CREB1: variants seen among roughly 807,000 people sequenced by gnomAD.
CREB1 encodes the protein cAMP responsive element binding protein 1.
CREB1 carries 2 observed loss-of-function variants against 42.0 expected under a neutral mutation model. That is an observed-to-expected ratio of 0.05 (90% CI 0.02 to 0.15). CREB1 has a LOEUF of 0.15. Ranked by LOEUF, CREB1 falls within the 10% of genes least tolerant of loss-of-function variation. CREB1 has a pLI of 1.00. For synonymous variants in CREB1, 123 were observed against 139.9 expected (o/e 0.88, Z 0.85); for missense variants, 199 against 388.9 (o/e 0.51, Z 4.11).
intron 1 of CREB1, among the ~76,000 whole-genome samples, chr2:207,544,647 A>C (rs2081230284): frequency 6.6e-6 from 1 of 152,128 alleles, no homozygotes; most frequent in South Asian, 2.1e-4. Flanking sequence ...TGCTGCACAC[A>C]TCATCCCATC....
chr2:207,582,270 C>T (rs2083065643), intron 7 of CREB1: 1 of 650,798 alleles, frequency 1.5e-6, no homozygotes, highest in Admixed American at 2.4e-5. Context: ...ATTCTTTTCT[C>T]TTTAAAGTTT....
chr2:207,575,617 T>C (rs1336915813), intron 6 of CREB1, among the ~76,000 whole-genome samples, 163 bp downstream of exon 6: 2 of 152,200 alleles, frequency 1.3e-5, no homozygotes. Flanking sequence ...ATTATTCCAA[T>C]TGGACCAAAA....
At chr2:207,576,511 C>A in intron 6 of CREB1, 1 of 277,692 alleles carries the variant, frequency 3.6e-6, no homozygotes. Flanking sequence ...TGGAGAGAGT[C>A]ATAACTTATT....
intron 3 of CREB1, among the ~76,000 whole-genome samples, chr2:207,563,180 G>A (rs1326654862): frequency 6.6e-6 from 1 of 152,170 alleles, no homozygotes; most frequent in Non-Finnish European, 1.5e-5. Flanking sequence ...GTTTGGAAGT[G>A]AGGGTATACT....
chr2:207,576,241 CTTT>C (rs35735523), intron 6 of CREB1, among the ~76,000 whole-genome samples: 10 of 101,070 alleles, frequency 9.9e-5, no homozygotes, highest in Non-Finnish European at 1.5e-4. Context: ...CTTTTTTTGG[CTTT>C]TTTTTTTTTT....
chr2:207,597,827 C>A lies in CREB1; in HGVS notation c.*769C>A. 5.2e-6 allele frequency: 1 copy of A among 193,810 alleles called. No individual in the cohort carries two copies. The highest frequency in any genetic ancestry group is 1.1e-5 in the Non-Finnish European group (1 of 93,128). 12.0% of individuals were successfully genotyped at this position (193,810 alleles called of 1,614,324 possible). Reference sequence around the variant, plus strand: ...ATGGTATTTGAATTTTAAATTAAAGCAAAGTAAATAAAAGTACAAAGCATA... The same window carrying A: ...ATGGTATTTGAATTTTAAATTAAAGAAAAGTAAATAAAAGTACAAAGCATA... On this transcript the variant is annotated 3_prime_UTR_variant, in exon 8 of 8. Transcript: ENST00000353267.
At chr2:207,575,989 TTA>T (rs2082575350) in intron 6 of CREB1, among the ~76,000 whole-genome samples, 1 of 136,050 alleles carries the variant, frequency 7.4e-6, no homozygotes, top group Non-Finnish European at 1.5e-5. Flanking sequence ...GTTTTTATTA[TTA>T]TTATTATTAT....
chr2:207,582,886 G>T, intron 7 of CREB1: 1 of 300,804 alleles, frequency 3.3e-6, no homozygotes, highest in Non-Finnish European at 6.6e-6. Flanking sequence ...GTGAGACTCT[G>T]TCTCAAAAAA....
intron 1 of CREB1, among the ~76,000 whole-genome samples, chr2:207,546,215 A>G (rs971025858): frequency 5.3e-5 from 8 of 152,296 alleles, no homozygotes; most frequent in Admixed American, 2.6e-4. Flanking sequence ...AATCACCACC[A>G]GGTTGGTGAA....
intron 1 of CREB1, among the ~76,000 whole-genome samples, chr2:207,549,957 G>A (rs551745463): frequency 4.0e-5 from 6 of 149,464 alleles, no homozygotes; most frequent in East Asian, 3.9e-4. Context: ...GCGAAAGAGC[G>A]AGACTCCATC....
chr2:207,532,360 A>C (rs1053829503), intron 1 of CREB1, among the ~76,000 whole-genome samples: 1 of 151,564 alleles, frequency 6.6e-6, no homozygotes. Flanking sequence ...ATGACTCTTC[A>C]TTTGTGAGAT....
At chr2:207,577,932 A>G (rs577885406) in intron 7 of CREB1, 15 of 413,686 alleles carry the variant, frequency 3.6e-5, no homozygotes, top group East Asian at 3.6e-4. Context: ...CTGCACTCCA[A>G]CCAGTTAGCC....
At chr2:207,586,990 A>G (rs2083963284) in intron 7 of CREB1, among the ~76,000 whole-genome samples, 1 of 152,250 alleles carries the variant, frequency 6.6e-6, no homozygotes. Context: ...AACACTGATG[A>G]TGCAGAGAAA....
chr2:207,568,271 AC>A (rs1305012716), intron 4 of CREB1: 1 of 151,952 alleles, frequency 6.6e-6, no homozygotes, highest in Non-Finnish European at 1.5e-5. Context: ...TATTAAACTA[AC>A]CCTTTTCTCT....
chr2:207,585,056 A>C (rs907626966), intron 7 of CREB1, among the ~76,000 whole-genome samples: 1 of 151,486 alleles, frequency 6.6e-6, no homozygotes, highest in Non-Finnish European at 1.5e-5. Flanking sequence ...CACATACATC[A>C]TCTAGGGTGC....
rs1489056037 is a variant in CREB1, at chr2:207,602,123, C to G, written c.*5065C>G. 4 of 202,276 alleles carry G rather than the reference C, an allele frequency of 2.0e-5. No individual in the cohort carries two copies. The highest frequency in any genetic ancestry group is 9.2e-5 in the African/African-American group (4 of 43,508). The allele number at this position is 202,276 out of a possible 1,614,324, so 12.5% of individuals were successfully genotyped here. Reference sequence around the variant, plus strand: ...ATTGATTAGTGAATGTAGCTTAAGCCTTTGTATGTGTCCTCAGGGGGCAGA... The same window carrying G: ...ATTGATTAGTGAATGTAGCTTAAGCGTTTGTATGTGTCCTCAGGGGGCAGA... On this transcript the variant is annotated 3_prime_UTR_variant, in exon 8 of 8. Transcript: ENST00000353267.
intron 1 of CREB1, among the ~76,000 whole-genome samples, chr2:207,535,054 A>G (rs938287713): frequency 1.3e-5 from 2 of 152,208 alleles, no homozygotes; most frequent in Admixed American, 1.3e-4. Flanking sequence ...CCAGTTAGTG[A>G]GCTGCTTTTA....
intron 6 of CREB1, chr2:207,576,780 C>A: frequency 2.9e-6 from 3 of 1,038,346 alleles, no homozygotes; most frequent in Non-Finnish European, 3.5e-6. Context: ...TTTATAAAGA[C>A]CTTCAAATTT....
intron 1 of CREB1, among the ~76,000 whole-genome samples, chr2:207,551,861 G>A (rs1237837249): frequency 4.0e-5 from 6 of 151,776 alleles, no homozygotes; most frequent in Non-Finnish European, 8.8e-5. Flanking sequence ...GGCTGACACA[G>A]TGAAGCCCCA....
Sources: allele counts gnomAD v4.1 joint callset (sites outside exome capture counted in the v4.1 genomes callset), GRCh38; gene constraint gnomAD v4.1.1; transcripts MANE v1.5; gene names NCBI Gene and HGNC (gene_info 2026-07-23, HGNC 2026-07-21).